The following GALNT18 variants were observed in gnomAD, a reference collection of about 807,000 sequenced individuals.
GALNT18 encodes polypeptide N-acetylgalactosaminyltransferase 18, also known as GalNAc-transferase 18.
A neutral mutation model predicts 69.5 loss-of-function variants in GALNT18; 44 were observed. The observed-to-expected ratio is 0.63, with a 90% CI of 0.50 to 0.81. GALNT18 has a LOEUF of 0.81. GALNT18 is among the 40% of genes least tolerant of loss of function. The pLI is 0.00. For missense variants in GALNT18, 715 were observed against 810.0 expected, an observed-to-expected ratio of 0.88 and a Z score of 1.42; for synonymous variants, 364 against 318.2, an observed-to-expected ratio of 1.14 and a Z score of -1.53.
intron 1 of GALNT18, among the ~76,000 whole-genome samples, chr11:11,576,220 C>A (rs556626617): frequency 6.6e-6 from 1 of 152,346 alleles, no homozygotes; most frequent in South Asian, 2.1e-4. Context: ...TGACCAGGTT[C>A]CCAAGCACTG....
At chr11:11,580,678 T>G (rs75261104) in intron 1 of GALNT18, among the ~76,000 whole-genome samples, 4,775 of 152,386 alleles carry the variant, frequency 0.031, 112 homozygotes, top group Middle Eastern at 0.058. Flanking sequence ...ACAGCCCATA[T>G]GGCCATGCCA....
intron 10 of GALNT18, among the ~76,000 whole-genome samples, chr11:11,273,513 A>AC (rs551175978): frequency 1.1e-3 from 163 of 152,346 alleles, no homozygotes; most frequent in African/African-American, 3.7e-3. Context: ...ACCCCAGTTA[A>AC]AATGGCTTTA....
At chr11:11,286,372 T>G (rs1470685563) in intron 10 of GALNT18, among the ~76,000 whole-genome samples, 2 of 148,472 alleles carry the variant, frequency 1.3e-5, no homozygotes, top group Non-Finnish European at 2.9e-5. Flanking sequence ...TGAGTGTCTG[T>G]GTACCACAGG....
intron 9 of GALNT18, among the ~76,000 whole-genome samples, chr11:11,312,195 C>CT (rs2133030501): frequency 6.6e-6 from 1 of 152,050 alleles, no homozygotes; most frequent in South Asian, 2.1e-4. Flanking sequence ...CATGATCTGC[C>CT]ACCTCGGCCT....
intron 6 of GALNT18, among the ~76,000 whole-genome samples, chr11:11,357,393 A>T (rs1414438502): frequency 6.6e-6 from 1 of 152,124 alleles, no homozygotes; most frequent in Non-Finnish European, 1.5e-5. Context: ...GGTCAAATAC[A>T]ATCTCCAAGG....
In GALNT18 at chr11:11,432,590, G is replaced by GGA; in HGVS notation, c.595+30_595+31insTC. On this transcript the variant is annotated intron_variant, in intron 3 of 10. Transcript: ENST00000227756. The surrounding 1 kb of genome is among the most constrained non-coding windows in gnomAD (Gnocchi z 5.8). The stretch of plus-strand genomic sequence containing the variant: ...AGCTTAGATGTCAGCCAGGAAGTAG[G>GGA]GCCTGGGCCCTGGGAAGCTCCGACA... 6.3e-7 allele frequency: 1 copy of GGA among 1,580,898 alleles called. No homozygotes were observed. The highest frequency in any genetic ancestry group is 1.3e-5 in the African/African-American group (1 of 74,336).
chr11:11,535,706 C>T (rs1055446251), intron 1 of GALNT18, among the ~76,000 whole-genome samples: 2 of 152,216 alleles, frequency 1.3e-5, no homozygotes, highest in African/African-American at 4.8e-5. Context: ...GGTTTGCCCG[C>T]CTGCCTAGAT....
chr11:11,409,010 C>T (rs574701095), intron 3 of GALNT18, among the ~76,000 whole-genome samples: 8 of 152,294 alleles, frequency 5.3e-5, no homozygotes, highest in Non-Finnish European at 8.8e-5. Flanking sequence ...CCAACTTTGA[C>T]GTGGTGGTGA....
intron 3 of GALNT18, among the ~76,000 whole-genome samples, chr11:11,427,155 G>A (rs1035564323): frequency 2.2e-4 from 33 of 152,182 alleles, no homozygotes; most frequent in African/African-American, 7.5e-4. Flanking sequence ...ATGATAGATC[G>A]GAGCCAGCCC....
intron 1 of GALNT18, among the ~76,000 whole-genome samples, chr11:11,456,018 G>A (rs1282036323): frequency 6.6e-6 from 1 of 152,172 alleles, no homozygotes; most frequent in South Asian, 2.1e-4. Context: ...CAGCCCAGGA[G>A]GTCGAGGCTG....
In GALNT18 at chr11:11,573,953, A is replaced by G. The variant is rs1858859352; in HGVS notation, c.235+47406T>C. Reference sequence around the variant, plus strand: ...ATTATAGAAGGCAGAGTTCAGAGAAATTAGGATGGCTGCCCAAGGTCACCT... The same window carrying G: ...ATTATAGAAGGCAGAGTTCAGAGAAGTTAGGATGGCTGCCCAAGGTCACCT... On this transcript the variant is annotated intron_variant, in intron 1 of 10. Transcript: ENST00000227756. The surrounding 1 kb of genome is among the most constrained non-coding windows in gnomAD (Gnocchi z 4.6). Among the ~76,000 whole-genome samples, 1 of 152,160 alleles carries G rather than the reference A, an allele frequency of 6.6e-6. No individual in the cohort carries two copies. Among genetic ancestry groups the G allele is most frequent in the Non-Finnish European group, 1.5e-5 (1 of 68,034 alleles).
rs904748297 is a variant in GALNT18 at position 11,387,205 on chromosome 11, A to G, written c.596-7941T>C. The stretch of plus-strand genomic sequence containing the variant: ...CCACTGGCCCCATCTTGCTGCCCTC[A>G]GTTGCCGGTCCTTCCCTTTCCAGCT... On this transcript the variant is annotated intron_variant, in intron 3 of 10. Coordinates refer to ENST00000227756, the MANE Select transcript of GALNT18 (RefSeq NM_198516.3). This position sits in a 1 kb window ranked among gnomAD's most constrained non-coding sequence, Gnocchi z 4.6. Among the ~76,000 whole-genome samples the G allele has an allele frequency of 6.6e-6, 1 of 152,146 alleles. No individual in the cohort carries two copies. Among genetic ancestry groups the G allele is most frequent in the Non-Finnish European group, 1.5e-5 (1 of 68,020 alleles).
intron 3 of GALNT18, among the ~76,000 whole-genome samples, chr11:11,394,854 C>A (rs1854288048): frequency 6.6e-6 from 1 of 152,242 alleles, no homozygotes; most frequent in Admixed American, 6.5e-5. Flanking sequence ...CCTCACTTCC[C>A]CTGAACATTC....
In GALNT18 at chr11:11,318,295, G is replaced by C. The variant is rs1849790052; in HGVS notation, c.1512+8791C>G. Among the ~76,000 whole-genome samples the C allele has an allele frequency of 6.6e-6, 1 of 152,192 alleles. No homozygotes were observed. Among genetic ancestry groups the C allele is most frequent in the Non-Finnish European group, 1.5e-5 (1 of 68,040 alleles). On this transcript the variant is annotated intron_variant, in intron 9 of 10. Transcript: ENST00000227756. The surrounding 1 kb of genome is among the most constrained non-coding windows in gnomAD (Gnocchi z 5.1). ...CATAATGTAATCTTATTTGGAAATAGAGTCATTGCAGATATAATTAAATTT... is the reference window on the plus strand; with the variant it reads ...CATAATGTAATCTTATTTGGAAATACAGTCATTGCAGATATAATTAAATTT...
rs1395113051 is a variant in GALNT18, at chr11:11,564,098, C to G, written c.235+57261G>C. ...TTACAAGAGCCCAGTGAGTTACGTA[C>G]TGATCTTAACCCCATTTTACAGTTG... is the stretch of plus-strand genomic sequence containing the variant. On this transcript the variant is annotated intron_variant, in intron 1 of 10. Coordinates refer to ENST00000227756, the MANE Select transcript of GALNT18 (RefSeq NM_198516.3). This position sits in a 1 kb window ranked among gnomAD's most constrained non-coding sequence, Gnocchi z 4.3. Among the ~76,000 whole-genome samples, 1 of 152,134 alleles carries G rather than the reference C, an allele frequency of 6.6e-6. No homozygotes were observed. The highest frequency in any genetic ancestry group is 1.5e-5 in the Non-Finnish European group (1 of 68,036).
chr11:11,562,917 C>T lies in GALNT18; in HGVS notation c.235+58442G>A, dbSNP rs1395582771. Among the ~76,000 whole-genome samples, 1 of 152,208 alleles carries T rather than the reference C, an allele frequency of 6.6e-6. No individual in the cohort carries two copies. Among genetic ancestry groups the T allele is most frequent in the Non-Finnish European group, 1.5e-5 (1 of 68,042 alleles). On this transcript the variant is annotated intron_variant, in intron 1 of 10. Coordinates refer to ENST00000227756, the MANE Select transcript of GALNT18 (RefSeq NM_198516.3). This position sits in a 1 kb window ranked among gnomAD's most constrained non-coding sequence, Gnocchi z 4.1. ...CCATCACCCTGCCTCAGGCTTCATTCAGCACCCCCACAGCCCTCAAGTTCA... is the reference window on the plus strand; with the variant it reads ...CCATCACCCTGCCTCAGGCTTCATTTAGCACCCCCACAGCCCTCAAGTTCA...
intron 1 of GALNT18, among the ~76,000 whole-genome samples, chr11:11,515,176 A>G (rs1162648530): frequency 6.6e-6 from 1 of 152,170 alleles, no homozygotes; most frequent in Non-Finnish European, 1.5e-5. Flanking sequence ...CTCCTAAGAT[A>G]CCATGAGAAT....
At chr11:11,467,180 C>T (rs541853862) in intron 1 of GALNT18, among the ~76,000 whole-genome samples, 10 of 152,284 alleles carry the variant, frequency 6.6e-5, no homozygotes, top group East Asian at 3.9e-4. Flanking sequence ...TGTGTGCCCA[C>T]GGCAGGCAGG....
At chr11:11,608,607 C>T (rs978227504) in intron 1 of GALNT18, among the ~76,000 whole-genome samples, 4 of 152,088 alleles carry the variant, frequency 2.6e-5, no homozygotes, top group African/African-American at 7.2e-5. Flanking sequence ...ATGATCCACC[C>T]GTCTCGGCCT....
Sources: gnomAD v4.1 joint callset for allele counts (sites outside exome capture counted in the v4.1 genomes callset) on GRCh38, gnomAD v4.1.1 for gene constraint, Gnocchi (gnomAD v3.1) non-coding constraint, MANE v1.5 for transcripts, NCBI Gene and HGNC (gene_info 2026-07-23, HGNC 2026-07-21) for gene names.